LRRC69: variants seen among roughly 807,000 people sequenced by gnomAD.
LRRC69 encodes leucine-rich repeat-containing protein 69.
Under a neutral mutation model 37.8 loss-of-function variants are expected in LRRC69, and 42 were observed. The observed-to-expected ratio is 1.11, with a 90% confidence interval of 0.87 to 1.44. LRRC69 has a LOEUF of 1.44. Among genes scored for constraint, LRRC69 ranks in the 40% most tolerant of loss-of-function variants. The pLI, the probability that LRRC69 is intolerant of heterozygous loss-of-function variation, is 0.00. For synonymous variants in LRRC69, 141 were observed against 143.1 expected (o/e 0.99, Z 0.11); for missense variants, 357 against 401.9 (o/e 0.89, Z 0.96).
At chr8:91,176,129 T>TAC (rs1809220131) in intron 5 of LRRC69, among the ~76,000 whole-genome samples, 1 of 30,030 alleles carries the variant, frequency 3.3e-5, no homozygotes, top group East Asian at 1.1e-3. Flanking sequence ...TATATATATA[T>TAC]ATATATTTTT....
At chr8:91,145,465 T>C (rs1471236414) in intron 5 of LRRC69, among the ~76,000 whole-genome samples, 1 of 151,926 alleles carries the variant, frequency 6.6e-6, no homozygotes, top group African/African-American at 2.4e-5. Flanking sequence ...CTCTGTTTAA[T>C]GTTAAGGAAA....
intron 1 of LRRC69, among the ~76,000 whole-genome samples, chr8:91,123,827 G>A (rs989693683): frequency 2.6e-5 from 4 of 151,984 alleles, no homozygotes; most frequent in Admixed American, 2.0e-4. Context: ...ACAACATCAA[G>A]GAGGAACTTT....
At chr8:91,210,689 A>C (rs1417074046) in intron 7 of LRRC69, among the ~76,000 whole-genome samples, 1 of 152,150 alleles carries the variant, frequency 6.6e-6, no homozygotes. Flanking sequence ...TTTAAAAATT[A>C]AAAGAGAATA....
At chr8:91,172,575 G>T (rs1362448188) in intron 5 of LRRC69, among the ~76,000 whole-genome samples, 1 of 151,924 alleles carries the variant, frequency 6.6e-6, no homozygotes. Flanking sequence ...GAGTGCAATG[G>T]CAAGATCTCA....
rs1813365466 is a variant in LRRC69 at position 91,108,889 on chromosome 8, C to G, written c.183+6045C>G. On this transcript the variant is annotated intron_variant, in intron 1 of 7. Coordinates refer to ENST00000448384, the Ensembl canonical transcript of LRRC69. ...TGCAGAGGAAGAGGAAAGGAATGAC[C>G]ATGAGCAGAGACTTCCCGTAACTCT... Among the ~76,000 whole-genome samples the G allele has an allele frequency of 3.3e-5, 5 of 151,802 alleles. 1 individual carries two copies. Among genetic ancestry groups the G allele is most frequent in the Admixed American group, 3.3e-4 (5 of 15,220 alleles).
At chr8:91,126,982 G>A (rs1813728085) in intron 2 of LRRC69, 106 bp from the exon 3 acceptor site, 1 of 812,822 alleles carries the variant, frequency 1.2e-6, no homozygotes, top group Non-Finnish European at 2.0e-6. Context: ...AAAGAGCCTT[G>A]GCCAAGGCAA....
chr8:91,206,671 T>C, intron 7 of LRRC69: 1 of 1,289,218 alleles, frequency 7.8e-7, no homozygotes, highest in Admixed American at 2.3e-5. Flanking sequence ...GCTGCTACTC[T>C]TATTTCATGT....
intron 5 of LRRC69, among the ~76,000 whole-genome samples, chr8:91,143,596 A>G (rs1164595382): frequency 1.3e-5 from 2 of 152,014 alleles, no homozygotes; most frequent in African/African-American, 2.4e-5. Context: ...AAAAAAACAT[A>G]AAGCGGGAAA....
chr8:91,125,711 T>A (rs1023550722), intron 2 of LRRC69, among the ~76,000 whole-genome samples: 3 of 151,726 alleles, frequency 2.0e-5, no homozygotes, highest in Non-Finnish European at 2.9e-5. Flanking sequence ...TTATACTAAT[T>A]AAGGCTCTAT....
chr8:91,169,293 C>G (rs1809083436), intron 5 of LRRC69, among the ~76,000 whole-genome samples: 1 of 151,838 alleles, frequency 6.6e-6, no homozygotes, highest in Non-Finnish European at 1.5e-5. Context: ...AAAAAACTCT[C>G]TATCAAGTAC....
At chr8:91,213,238 G>C (rs374794365) in intron 7 of LRRC69, among the ~76,000 whole-genome samples, 2 of 152,032 alleles carry the variant, frequency 1.3e-5, no homozygotes, top group East Asian at 3.9e-4. Flanking sequence ...TTTCTTTGTC[G>C]TTTCTGTTCT....
intron 5 of LRRC69, among the ~76,000 whole-genome samples, chr8:91,161,891 A>G (rs1280615745): frequency 6.6e-6 from 1 of 151,258 alleles, no homozygotes; most frequent in East Asian, 1.9e-4. Flanking sequence ...GTAGGTGTTC[A>G]TTGCTATAAA....
chr8:91,211,116 A>T (rs750780736), intron 7 of LRRC69, among the ~76,000 whole-genome samples: 9 of 152,180 alleles, frequency 5.9e-5, no homozygotes, highest in African/African-American at 1.2e-4. Context: ...AAGGGAAAAT[A>T]ACTCAAAATG....
intron 6 of LRRC69, among the ~76,000 whole-genome samples, chr8:91,197,803 T>C (rs1012321237): frequency 6.6e-5 from 10 of 151,918 alleles, no homozygotes; most frequent in African/African-American, 2.4e-4. Flanking sequence ...TCACCCGTCT[T>C]CTGTGTCGCT....
intron 6 of LRRC69, among the ~76,000 whole-genome samples, chr8:91,196,357 T>C (rs1195438764): frequency 9.2e-5 from 14 of 151,628 alleles, no homozygotes; most frequent in African/African-American, 2.9e-4. Context: ...ATCTTTGTTG[T>C]GTTCTCTGTA....
At chr8:91,213,152 G>A (rs1007634840) in intron 7 of LRRC69, among the ~76,000 whole-genome samples, 1 of 152,130 alleles carries the variant, frequency 6.6e-6, no homozygotes, top group Non-Finnish European at 1.5e-5. Context: ...TGCAGGGGGT[G>A]CTGTGGGAGA....
chr8:91,160,163 A>ATTTTTTCTTTTTTT (rs542120217), intron 5 of LRRC69, among the ~76,000 whole-genome samples: 7,488 of 150,152 alleles, frequency 0.05, 248 homozygotes, highest in Middle Eastern at 0.14. Flanking sequence ...AAATGGGATA[A>ATTTTTTCTTTTTTT]TTTTTTCTTG....
In LRRC69 at chr8:91,124,552, T is replaced by C. The variant is rs142593827; in HGVS notation, c.243T>C (p.Tyr81=). 2.5e-4 allele frequency: 387 copies of C among 1,540,988 alleles called. 1 individual carries two copies. The African/African-American group carries it at 4.3e-3, about 17-fold the overall frequency. The change falls in exon 2 of 8, where the codon TAT becomes TAC. Residue 81 remains tyrosine, a synonymous_variant. Coordinates refer to ENST00000448384, the Ensembl canonical transcript of LRRC69. ...AAGAAGTTCCGGAAGAGATGAAATA[T>C]CTTACATCTCTGAAGAATCTCCATT...
chr8:91,156,820 T>C (rs1474734439), intron 5 of LRRC69, among the ~76,000 whole-genome samples: 1 of 151,142 alleles, frequency 6.6e-6, no homozygotes, highest in Non-Finnish European at 1.5e-5. Flanking sequence ...ATGAGTCTAG[T>C]TTCAATCTTC....
Sources: allele counts gnomAD v4.1 joint callset (sites outside exome capture counted in the v4.1 genomes callset), GRCh38; gene constraint gnomAD v4.1.1; transcripts MANE v1.5; gene names NCBI Gene and HGNC (gene_info 2026-07-23, HGNC 2026-07-21).